RBFOX1: variants seen among roughly 807,000 people sequenced by gnomAD.
The protein encoded by RBFOX1 is RNA binding protein fox-1 homolog 1.
RBFOX1 carries 8 observed loss-of-function variants against 57.7 expected under a neutral mutation model. The ratio of observed to expected loss-of-function variants is 0.14; its 90% CI spans 0.08 to 0.25. RBFOX1 has a LOEUF of 0.25. RBFOX1 is among the 10% of genes least tolerant of loss of function. The pLI is 1.00. For synonymous variants in RBFOX1, 326 were observed against 222.4 expected, an observed-to-expected ratio of 1.47 and a Z score of -4.15; for missense variants, 611 against 548.5, an observed-to-expected ratio of 1.11 and a Z score of -1.14.
chr16:7,352,179 A>T (rs2097140946), intron 4 of RBFOX1, among the ~76,000 whole-genome samples: 1 of 152,188 alleles, frequency 6.6e-6, no homozygotes, highest in Non-Finnish European at 1.5e-5. Context: ...ATGGCTTTGC[A>T]GCATGGCAGA....
chr16:6,403,748 C>G (rs1311454646), intron 2 of RBFOX1, among the ~76,000 whole-genome samples: 1 of 152,114 alleles, frequency 6.6e-6, no homozygotes, highest in Non-Finnish European at 1.5e-5. Context: ...AGGCATCGAG[C>G]CCTATGTTCA....
In RBFOX1 at chr16:6,730,003, T is replaced by G. The variant is rs150748811; in HGVS notation, c.-16+75353T>G. On this transcript the variant is annotated intron_variant, in intron 3 of 15. Coordinates refer to ENST00000550418, the MANE Select transcript of RBFOX1 (RefSeq NM_018723.4). Reference sequence around the variant, plus strand: ...AATGACTATACTTGTTGAATATTTTTGTCTAGGAAGTAATTTGGAGAGCTT... The same window carrying G: ...AATGACTATACTTGTTGAATATTTTGGTCTAGGAAGTAATTTGGAGAGCTT... Among the ~76,000 whole-genome samples, 66 of 152,244 alleles carry G rather than the reference T, an allele frequency of 4.3e-4. 1 individual carries two copies. The highest frequency in any genetic ancestry group is 7.8e-4 in the Non-Finnish European group (53 of 68,010).
chr16:6,824,048 A>G (rs1337799680), intron 3 of RBFOX1, among the ~76,000 whole-genome samples: 3 of 152,324 alleles, frequency 2.0e-5, no homozygotes, highest in South Asian at 2.1e-4. Flanking sequence ...CTGGATTTCC[A>G]TATCTTTGTC....
chr16:7,441,405 G>C (rs1214812648), intron 4 of RBFOX1, among the ~76,000 whole-genome samples: 1 of 152,186 alleles, frequency 6.6e-6, no homozygotes, highest in Non-Finnish European at 1.5e-5. Flanking sequence ...TGCTCTGAGA[G>C]ATGATGTTGC....
At position 7,650,339 on chromosome 16, in the gene RBFOX1, T is replaced by C. The variant is rs1166521582; in HGVS notation, c.758-3476T>C. On this transcript the variant is annotated intron_variant, in intron 11 of 15. Transcript: ENST00000550418. ...TTTTTTTTTTTTTTTTGGCCAAGGG[T>C]ACCTAGCCTTCCAGGAAGGCACTAT... 7.0e-5 allele frequency among the ~76,000 whole-genome samples: 10 copies of C among 143,748 alleles called. No individual in the cohort carries two copies. In the East Asian group the frequency reaches 2.1e-3, roughly 31 times the overall value. 94.3% of individuals were successfully genotyped at this position (143,748 alleles called of 152,430 possible). A position where few individuals can be genotyped will look rare whatever the true frequency, so the allele number is the denominator to read the frequency against.
In RBFOX1 at chr16:7,023,564, T is replaced by TAAAAAAAAAAAAAAAAAAAAAAAA. The variant is rs34056673; in HGVS notation, c.-15-28486_-15-28463dup. On this transcript the variant is annotated intron_variant, in intron 3 of 15. Transcript: ENST00000550418. ...CAACATGGTGAAACTTCGTCTGTACTAAAAAAAAAAAAAAAAAAAAAAAAA... is the reference window on the plus strand; with the variant it reads ...CAACATGGTGAAACTTCGTCTGTACTAAAAAAAAAAAAAAAAAAAAAAAAAAAAAAAAAAAAAAAAAAAAAAAAA... Among the ~76,000 whole-genome samples, 6 of 43,928 alleles carry TAAAAAAAAAAAAAAAAAAAAAAAA rather than the reference T, an allele frequency of 1.4e-4. No homozygotes were observed. The East Asian group carries it at 2.8e-3, about 21-fold the overall frequency. The allele number at this position is 43,928 out of a possible 152,430, so 28.8% of individuals were successfully genotyped here.
At chr16:7,166,226 C>T (rs1302099910) in intron 4 of RBFOX1, among the ~76,000 whole-genome samples, 2 of 151,970 alleles carry the variant, frequency 1.3e-5, no homozygotes, top group Non-Finnish European at 2.9e-5. Context: ...GTAGGCCAGG[C>T]TGGTCTCGAA....
At chr16:5,314,426 C>G (rs2064176153) in intron 1 of RBFOX1, among the ~76,000 whole-genome samples, 1 of 152,228 alleles carries the variant, frequency 6.6e-6, no homozygotes. Flanking sequence ...CTGGGAGAAG[C>G]AGCACCAGGG....
chr16:7,417,787 C>A (rs1374246151), intron 4 of RBFOX1, among the ~76,000 whole-genome samples: 1 of 152,190 alleles, frequency 6.6e-6, no homozygotes, highest in Non-Finnish European at 1.5e-5. Flanking sequence ...ATGTTGGTCA[C>A]CCTCTGTGCA....
intron 2 of RBFOX1, among the ~76,000 whole-genome samples, chr16:6,349,000 G>T (rs1445918898): frequency 6.6e-6 from 1 of 152,172 alleles, no homozygotes; most frequent in Non-Finnish European, 1.5e-5. Flanking sequence ...CTTATCTTGA[G>T]ATTTGATTCC....
intron 3 of RBFOX1, among the ~76,000 whole-genome samples, chr16:5,854,994 C>T (rs148862026): frequency 6.6e-6 from 1 of 152,314 alleles, no homozygotes; most frequent in East Asian, 1.9e-4. Context: ...AGCACCTTTT[C>T]ATAAGCCTGT....
intron 3 of RBFOX1, among the ~76,000 whole-genome samples, chr16:6,777,619 C>T (rs2079596796): frequency 6.6e-6 from 1 of 152,244 alleles, no homozygotes; most frequent in South Asian, 2.1e-4. Context: ...GGAAATTTCA[C>T]ACGTTATTCA....
intron 4 of RBFOX1, among the ~76,000 whole-genome samples, chr16:5,940,927 C>G (rs2059265719): frequency 6.6e-6 from 1 of 152,148 alleles, no homozygotes; most frequent in Non-Finnish European, 1.5e-5. Context: ...TGGAGTCAGA[C>G]TGCCTCGGTT....
At chr16:7,376,741 T>C (rs537269471) in intron 4 of RBFOX1, among the ~76,000 whole-genome samples, 3 of 152,334 alleles carry the variant, frequency 2.0e-5, no homozygotes, top group African/African-American at 7.2e-5. Flanking sequence ...TTTTAGACTC[T>C]TAAATAACCG....
At chr16:7,063,309 G>C (rs1043652658) in intron 4 of RBFOX1, among the ~76,000 whole-genome samples, 1 of 151,834 alleles carries the variant, frequency 6.6e-6, no homozygotes, top group Admixed American at 6.6e-5. Context: ...CCAACCCCAG[G>C]GGACCACCCC....
chr16:6,067,532 AG>A (rs2095783259), intron 1 of RBFOX1, among the ~76,000 whole-genome samples: 1 of 152,226 alleles, frequency 6.6e-6, no homozygotes, highest in South Asian at 2.1e-4. Flanking sequence ...ACTTAATATT[AG>A]GTAGAATATC....
intron 3 of RBFOX1, among the ~76,000 whole-genome samples, chr16:6,901,750 C>T (rs1248720514): frequency 1.3e-5 from 2 of 152,100 alleles, no homozygotes; most frequent in South Asian, 2.1e-4. Context: ...CTGCTTCAGA[C>T]CCAGTAGAGA....
chr16:6,644,365 C>T (rs891808565), intron 2 of RBFOX1, among the ~76,000 whole-genome samples: 4 of 152,164 alleles, frequency 2.6e-5, no homozygotes, highest in African/African-American at 7.2e-5. Flanking sequence ...AAAAATGTAT[C>T]TTGTGTTAAT....
intron 3 of RBFOX1, among the ~76,000 whole-genome samples, chr16:6,889,331 T>A (rs960860768): frequency 2.6e-5 from 4 of 152,182 alleles, no homozygotes; most frequent in African/African-American, 9.6e-5. Flanking sequence ...AGTGGAAAAT[T>A]TACGAGTATG....
Sources: allele counts gnomAD v4.1 joint callset (sites outside exome capture counted in the v4.1 genomes callset), GRCh38; gene constraint gnomAD v4.1.1; transcripts MANE v1.5; gene names NCBI Gene and HGNC (gene_info 2026-07-23, HGNC 2026-07-21).